The following ERGIC1 variants were observed in gnomAD, a reference collection of about 807,000 sequenced individuals.
ERGIC1 encodes the protein endoplasmic reticulum-golgi intermediate compartment 1.
In ERGIC1, 19 loss-of-function variants were observed where a neutral mutation model predicts 38.3. The observed-to-expected ratio is 0.50, with a 90% CI of 0.35 to 0.73. The LOEUF (loss-of-function observed/expected upper bound fraction) is 0.73. Among genes scored for constraint, ERGIC1 ranks in the 30% least tolerant of loss-of-function variants. The pLI, the probability that ERGIC1 is intolerant of heterozygous loss-of-function variation, is 0.01. For synonymous variants in ERGIC1, 124 were observed against 157.6 expected, an observed-to-expected ratio of 0.79 and a Z score of 1.60; for missense variants, 294 against 389.2, an observed-to-expected ratio of 0.76 and a Z score of 2.06.
At chr5:172,900,321 C>T (rs1762837484) in intron 3 of ERGIC1, among the ~76,000 whole-genome samples, 1 of 152,196 alleles carries the variant, frequency 6.6e-6, no homozygotes, top group Non-Finnish European at 1.5e-5. Flanking sequence ...CCCCATTCCC[C>T]CGTGCCAGGA....
At chr5:172,908,831 G>A (rs1056186220) in intron 3 of ERGIC1, among the ~76,000 whole-genome samples, 4 of 152,160 alleles carry the variant, frequency 2.6e-5, no homozygotes, top group Admixed American at 6.5e-5. Flanking sequence ...CCGTCAAGTC[G>A]TTTCTCAGAA....
At chr5:172,886,988 C>T (rs1348945198) in intron 1 of ERGIC1, among the ~76,000 whole-genome samples, 1 of 152,190 alleles carries the variant, frequency 6.6e-6, no homozygotes, top group East Asian at 1.9e-4. Context: ...GGGGCACAAG[C>T]ACAGGTGACT....
At chr5:172,835,690 T>G (rs772012624) in intron 1 of ERGIC1, among the ~76,000 whole-genome samples, 3 of 152,112 alleles carry the variant, frequency 2.0e-5, no homozygotes, top group African/African-American at 4.8e-5. Flanking sequence ...CCCCATAGCA[T>G]GGGATATATT....
intron 1 of ERGIC1, among the ~76,000 whole-genome samples, chr5:172,883,738 T>C (rs1288973135): frequency 2.0e-5 from 3 of 152,164 alleles, no homozygotes; most frequent in Non-Finnish European, 4.4e-5. Context: ...TCCCAATACT[T>C]TGGGAGGCCG....
chr5:172,913,927 C>T (rs1041077224), intron 4 of ERGIC1, among the ~76,000 whole-genome samples: 1 of 152,084 alleles, frequency 6.6e-6, no homozygotes, highest in Admixed American at 6.6e-5. Flanking sequence ...AGCCTATTCA[C>T]CCCATAAACC....
chr5:172,938,019 T>C (rs1763924441), intron 9 of ERGIC1: 1 of 150,340 alleles, frequency 6.7e-6, no homozygotes, highest in South Asian at 2.1e-4. Context: ...AGAAAGAAAT[T>C]GAAAACCTGC....
At chr5:172,947,820 CTG>C (rs1381219753) in intron 9 of ERGIC1, among the ~76,000 whole-genome samples, 1 of 151,182 alleles carries the variant, frequency 6.6e-6, no homozygotes, top group African/African-American at 2.4e-5. Context: ...TGCCAGGTGT[CTG>C]TGAGTCATAA....
intron 2 of ERGIC1, among the ~76,000 whole-genome samples, chr5:172,892,409 A>T (rs1376491603): frequency 6.6e-6 from 1 of 152,164 alleles, no homozygotes; most frequent in Non-Finnish European, 1.5e-5. Flanking sequence ...TGAAGGAAAG[A>T]TCAGGGCATT....
At position 172,837,848 on chromosome 5, in the gene ERGIC1, G is replaced by A. The variant is rs1206655136; in HGVS notation, c.20+3415G>A. On this transcript the variant is annotated intron_variant, in intron 1 of 9. Transcript: ENST00000393784. The surrounding 1 kb of genome is among the most constrained non-coding windows in gnomAD (Gnocchi z 4.3). The stretch of plus-strand genomic sequence containing the variant: ...GACCCACATCCGTGTGTGTTGTTTC[G>A]AGTTCCGGCTGGCCTGGGGCCAGTA... Among the ~76,000 whole-genome samples the A allele has an allele frequency of 1.3e-5, 2 of 152,222 alleles. No homozygotes were observed. The highest frequency in any genetic ancestry group is 2.9e-5 in the Non-Finnish European group (2 of 68,042).
At chr5:172,869,431 G>A (rs1414694338) in intron 1 of ERGIC1, among the ~76,000 whole-genome samples, 5 of 152,218 alleles carry the variant, frequency 3.3e-5, no homozygotes, top group African/African-American at 9.6e-5. Flanking sequence ...AGTGGGATGG[G>A]GAGGGCCAAG....
intron 8 of ERGIC1, 59 bp downstream of exon 8, chr5:172,932,595 C>A: frequency 6.6e-7 from 1 of 1,520,752 alleles, no homozygotes; most frequent in Non-Finnish European, 9.1e-7. Flanking sequence ...TGACGGAGAG[C>A]AGAGATGACA....
chr5:172,841,731 C>T (rs1761166078), intron 1 of ERGIC1, among the ~76,000 whole-genome samples: 2 of 152,182 alleles, frequency 1.3e-5, no homozygotes, highest in Admixed American at 1.3e-4. Context: ...TTAGCAATAC[C>T]TCACGGCCCT....
At position 172,926,519 on chromosome 5, in the gene ERGIC1, T is replaced by C. The variant is rs1485138785; in HGVS notation, c.491T>C (p.Ile164Thr). Residue 164 changes from isoleucine to threonine, a missense_variant, in exon 7 of 10, where the codon ATC becomes ACC. By Grantham distance (89) the Ile-to-Thr change is moderately conservative. Transcript: ENST00000393784. The surrounding 1 kb of genome is among the most constrained non-coding windows in gnomAD (Gnocchi z 5.2). ...SFGDTLQVQN[I>T]HGAFNALGGA... Reference sequence around the variant, plus strand: ...TGCATTTTTCCACAGGTCCAGAACATCCACGGAGCTTTCAATGCTCTCGGG... The same window carrying C: ...TGCATTTTTCCACAGGTCCAGAACACCCACGGAGCTTTCAATGCTCTCGGG... 5.6e-6 allele frequency: 9 copies of C among 1,613,448 alleles called. No homozygotes were observed. The highest frequency in any genetic ancestry group is 7.6e-6 in the Non-Finnish European group (9 of 1,179,962).
Position 172,842,740 on chromosome 5 carries a change from AT to A in ERGIC1, c.20+8310del, listed in dbSNP as rs751025478. Among the ~76,000 whole-genome samples the A allele has an allele frequency of 2.4e-3, 368 of 152,202 alleles. 2 individuals carry two copies. Among genetic ancestry groups the A allele is most frequent in the Non-Finnish European group, 4.1e-3 (276 of 68,004 alleles). On this transcript the variant is annotated intron_variant, in intron 1 of 9. Coordinates refer to ENST00000393784, the MANE Select transcript of ERGIC1 (RefSeq NM_001031711.3). ...GAGGTGCCATTTCATTGTGATTTTTATTTGCATTTCCCTGATGAATAGAGAT... is the reference window on the plus strand; with the variant it reads ...GAGGTGCCATTTCATTGTGATTTTTATTGCATTTCCCTGATGAATAGAGAT...
chr5:172,896,080 C>T (rs1169123225), intron 2 of ERGIC1, among the ~76,000 whole-genome samples: 1 of 152,094 alleles, frequency 6.6e-6, no homozygotes, highest in Non-Finnish European at 1.5e-5. Context: ...TAGTGGCTCA[C>T]ACCTGTAATC....
intron 9 of ERGIC1, among the ~76,000 whole-genome samples, chr5:172,949,746 G>A (rs1199196932): frequency 6.6e-6 from 1 of 152,048 alleles, no homozygotes; most frequent in African/African-American, 2.4e-5. Context: ...AAATTCTCTG[G>A]CCCCAAATGT....
At chr5:172,891,558 C>T (rs1762560260) in intron 2 of ERGIC1, among the ~76,000 whole-genome samples, 1 of 151,908 alleles carries the variant, frequency 6.6e-6, no homozygotes, top group Non-Finnish European at 1.5e-5. Context: ...TGTGCCTCAG[C>T]CTCCCCGAGT....
chr5:172,881,303 C>T (rs770452646), intron 1 of ERGIC1, among the ~76,000 whole-genome samples: 10 of 152,062 alleles, frequency 6.6e-5, no homozygotes, highest in East Asian at 1.9e-4. Context: ...GTAGAGAAAA[C>T]GGTACAGGGA....
intron 1 of ERGIC1, among the ~76,000 whole-genome samples, chr5:172,849,432 G>A (rs1041223264): frequency 1.3e-5 from 2 of 152,160 alleles, no homozygotes; most frequent in Admixed American, 1.3e-4. Context: ...CCCCCATTAT[G>A]TTCCCAGCGT....
Sources: gnomAD v4.1 joint callset for allele counts (sites outside exome capture counted in the v4.1 genomes callset) on GRCh38, gnomAD v4.1.1 for gene constraint, Gnocchi (gnomAD v3.1) non-coding constraint, MANE v1.5 for transcripts, NCBI Gene and HGNC (gene_info 2026-07-23, HGNC 2026-07-21) for gene names.